The following SLC25A48 variants were observed in gnomAD, a reference collection of about 807,000 sequenced individuals.
SLC25A48 encodes the protein solute carrier family 25 member 48.
SLC25A48 carries 29 observed loss-of-function variants against 32.2 expected under a neutral mutation model. The observed-to-expected ratio is 0.90, with a 90% CI of 0.67 to 1.23. The LOEUF is 1.23. Among genes scored for constraint, SLC25A48 ranks in the 50% most tolerant of loss-of-function variants. The probability of loss-of-function intolerance (pLI) is 0.00; values close to 1 mark genes in which losing one functional copy is unlikely to be tolerated. For missense variants in SLC25A48, 399 were observed against 422.7 expected (o/e 0.94, Z 0.49); for synonymous variants, 164 against 172.3 (o/e 0.95, Z 0.38).
intron 3 of SLC25A48, among the ~76,000 whole-genome samples, chr5:135,770,503 G>A (rs994675776): frequency 4.6e-5 from 7 of 151,684 alleles, no homozygotes; most frequent in Non-Finnish European, 5.9e-5. Flanking sequence ...CGCCGAGGTT[G>A]CACAAACCAC....
intron 3 of SLC25A48, among the ~76,000 whole-genome samples, chr5:135,790,442 C>T (rs952136245): frequency 2.0e-5 from 3 of 151,496 alleles, no homozygotes; most frequent in African/African-American, 7.3e-5. Context: ...GATTTGTGTA[C>T]ATCCTGTTTT....
chr5:135,708,967 A>G (rs992667402), intron 3 of SLC25A48, among the ~76,000 whole-genome samples: 4 of 152,174 alleles, frequency 2.6e-5, no homozygotes, highest in African/African-American at 7.2e-5. Flanking sequence ...ATGCCATTTT[A>G]TTGGTAGTGT....
Position 135,879,425 on chromosome 5 carries a change from ACTCAATGGCAAAGCCGTGC to A in SLC25A48, c.814-537_814-519del, listed in dbSNP as rs1286304302. Among the ~76,000 whole-genome samples, 8 of 151,932 alleles carry A rather than the reference ACTCAATGGCAAAGCCGTGC, an allele frequency of 5.3e-5. No individual in the cohort carries two copies. The East Asian group carries it at 1.5e-3, about 29-fold the overall frequency. On this transcript the variant is annotated intron_variant, in intron 6 of 7. Coordinates refer to ENST00000681962, the MANE Select transcript of SLC25A48 (RefSeq NM_001349336.2). ...AGAGAGTTTGCCATTGGCCCAAGTG[ACTCAATGGCAAAGCCGTGC>A]CTCAACCCCATGTCTGCAGAGTCTT...
At chr5:135,820,603 AAG>A (rs970656926) in intron 4 of SLC25A48, among the ~76,000 whole-genome samples, 23 of 152,306 alleles carry the variant, frequency 1.5e-4, no homozygotes, top group African/African-American at 5.1e-4. Flanking sequence ...TATTGGTACA[AAG>A]AGAGACAAAG....
chr5:135,698,032 C>T (rs1034421444), intron 3 of SLC25A48, among the ~76,000 whole-genome samples: 1 of 152,236 alleles, frequency 6.6e-6, no homozygotes, highest in Non-Finnish European at 1.5e-5. Context: ...GGGACTCTGA[C>T]GTTCACAGCA....
intron 1 of SLC25A48, among the ~76,000 whole-genome samples, chr5:135,618,052 A>G (rs370343544): frequency 6.6e-6 from 1 of 151,038 alleles, no homozygotes; most frequent in African/African-American, 2.5e-5. Context: ...AAGTCTGTCT[A>G]TCCCTTTAGA....
At chr5:135,871,803 C>A in intron 5 of SLC25A48, 85 bp downstream of exon 5, 1 of 1,582,614 alleles carries the variant, frequency 6.3e-7, no homozygotes. Context: ...CTTCTCAGCC[C>A]AGGGGGAGGG....
chr5:135,731,715 G>C (rs1309593119), intron 3 of SLC25A48, among the ~76,000 whole-genome samples: 1 of 144,028 alleles, frequency 6.9e-6, no homozygotes, highest in South Asian at 2.3e-4. Context: ...GATATTAAAG[G>C]ACTAAGAATT....
intron 1 of SLC25A48, among the ~76,000 whole-genome samples, chr5:135,841,284 C>G (rs1758965602): frequency 6.6e-6 from 1 of 152,170 alleles, no homozygotes. Flanking sequence ...AGAGTTCTTC[C>G]TATATATGAA....
intron 3 of SLC25A48, chr5:135,803,208 T>C (rs1022381831): frequency 1.3e-5 from 2 of 151,490 alleles, no homozygotes; most frequent in Non-Finnish European, 3.0e-5. Flanking sequence ...GTGCACTCTG[T>C]ATGATGTTAT....
intron 3 of SLC25A48, among the ~76,000 whole-genome samples, chr5:135,661,720 T>C (rs553282267): frequency 6.6e-6 from 1 of 152,332 alleles, no homozygotes; most frequent in South Asian, 2.1e-4. Context: ...CAATAATGAA[T>C]CATACTATGC....
intron 1 of SLC25A48, among the ~76,000 whole-genome samples, chr5:135,591,127 A>T (rs1751516806): frequency 6.6e-6 from 1 of 151,986 alleles, no homozygotes; most frequent in East Asian, 1.9e-4. Flanking sequence ...CTGTGATTCC[A>T]CTATTAAGCT....
In SLC25A48 at chr5:135,758,875, A is replaced by G. The variant is rs558975440; in HGVS notation, c.-520-53648A>G. Among the ~76,000 whole-genome samples, 4 of 150,832 alleles carry G rather than the reference A, an allele frequency of 2.7e-5. No individual in the cohort carries two copies. In the East Asian group the frequency reaches 8.0e-4, roughly 30 times the overall value. On this transcript the variant is annotated intron_variant, in intron 3 of 10. Transcript: ENST00000646290. ...TATAAATAATATCAAACATTAACAC[A>G]TTATGATATTAATAGAATATTATCT...
intron 4 of SLC25A48, among the ~76,000 whole-genome samples, chr5:135,819,305 T>C (rs1757818660): frequency 6.6e-6 from 1 of 152,138 alleles, no homozygotes; most frequent in Non-Finnish European, 1.5e-5. Flanking sequence ...AAAAACCTTA[T>C]CTGTTACCAC....
chr5:135,834,839 G>T lies in SLC25A48; in HGVS notation c.-9G>T. 6.3e-7 allele frequency: 1 copy of T among 1,594,384 alleles called. No individual in the cohort carries two copies. Among genetic ancestry groups the T allele is most frequent in the Non-Finnish European group, 8.5e-7 (1 of 1,171,098 alleles). On this transcript the variant is annotated 5_prime_UTR_variant, in exon 1 of 8. Coordinates refer to ENST00000681962, the MANE Select transcript of SLC25A48 (RefSeq NM_001349336.2). ...CCCGGCTCCGGGAGGGCGAGACCGAGCGCCGGCCATGGGAAGCTTCCAGCT... is the reference window on the plus strand; with the variant it reads ...CCCGGCTCCGGGAGGGCGAGACCGATCGCCGGCCATGGGAAGCTTCCAGCT...
intron 3 of SLC25A48, among the ~76,000 whole-genome samples, chr5:135,784,389 A>C (rs1450572070): frequency 1.7e-5 from 2 of 117,956 alleles, no homozygotes; most frequent in Non-Finnish European, 4.2e-5. Context: ...AGAGGTTGAT[A>C]TTACTCCCAA....
intron 7 of SLC25A48, 107 bp downstream of exon 7, chr5:135,880,204 C>T (rs1030395432): frequency 2.1e-6 from 3 of 1,421,952 alleles, no homozygotes; most frequent in African/African-American, 1.4e-5. Flanking sequence ...TGTTGTTTGT[C>T]ACATATCTAA....
At chr5:135,640,543 A>G (rs147059941) in intron 3 of SLC25A48, among the ~76,000 whole-genome samples, 1 of 152,172 alleles carries the variant, frequency 6.6e-6, no homozygotes, top group South Asian at 2.1e-4. Flanking sequence ...TACAAGAGGA[A>G]ACTAAAGACC....
chr5:135,641,853 G>T (rs901884529), intron 3 of SLC25A48, among the ~76,000 whole-genome samples: 2 of 152,184 alleles, frequency 1.3e-5, no homozygotes, highest in African/African-American at 4.8e-5. Context: ...GCTGCTAGTC[G>T]CAGAGTGCTC....
Sources: gnomAD v4.1 joint callset for allele counts (sites outside exome capture counted in the v4.1 genomes callset) on GRCh38, gnomAD v4.1.1 for gene constraint, MANE v1.5 for transcripts, NCBI Gene and HGNC (gene_info 2026-07-23, HGNC 2026-07-21) for gene names.